The following OPCML variants were observed in gnomAD, a reference collection of about 807,000 sequenced individuals.
OPCML encodes opioid binding protein/cell adhesion molecule like.
A neutral mutation model predicts 37.8 loss-of-function variants in OPCML; 13 were observed. The ratio of observed to expected loss-of-function variants is 0.34; its 90% CI spans 0.22 to 0.55. The LOEUF is 0.55. Ranked by LOEUF, OPCML falls within the 20% of genes least tolerant of loss-of-function variation. The pLI, the probability that OPCML is intolerant of heterozygous loss-of-function variation, is 0.91. For synonymous variants in OPCML, 176 were observed against 168.8 expected, an observed-to-expected ratio of 1.04 and a Z score of -0.33; for missense variants, 341 against 435.6, an observed-to-expected ratio of 0.78 and a Z score of 1.93.
At chr11:132,770,263 T>C (rs1289267748) in intron 2 of OPCML, among the ~76,000 whole-genome samples, 1 of 152,278 alleles carries the variant, frequency 6.6e-6, no homozygotes, top group Admixed American at 6.5e-5. Context: ...ACTTGTGTTT[T>C]TGTTGAGTGT....
chr11:133,532,408 C>G lies in OPCML; in HGVS notation c.-84G>C, dbSNP rs1341219134. 7 of 1,521,060 alleles carry G rather than the reference C, an allele frequency of 4.6e-6. No homozygotes were observed. The highest frequency in any genetic ancestry group is 1.9e-5 in the Admixed American group (1 of 53,534). 94.2% of individuals were successfully genotyped at this position (1,521,060 alleles called of 1,614,324 possible). ...CTGCTGCCTTCCTCTGTGCTGAATT[C>G]TGAGCAGGTTTAAATCCAATGTTTG... On this transcript the variant is annotated 5_prime_UTR_variant, in exon 1 of 8. Coordinates refer to ENST00000524381, the MANE Select transcript of OPCML (RefSeq NM_001012393.5).
intron 1 of OPCML, among the ~76,000 whole-genome samples, chr11:133,273,739 C>T (rs572323064): frequency 1.3e-5 from 2 of 152,240 alleles, no homozygotes; most frequent in South Asian, 4.2e-4. Context: ...GGGCCACTTC[C>T]TATCCAGAGG....
chr11:132,450,194 C>T (rs181792867), intron 4 of OPCML, among the ~76,000 whole-genome samples: 38 of 152,320 alleles, frequency 2.5e-4, no homozygotes, highest in Admixed American at 1.7e-3. Context: ...ATCAAATAAA[C>T]GCATCTGACC....
At position 133,214,228 on chromosome 11, in the gene OPCML, A is replaced by G. The variant is rs190067647; in HGVS notation, c.62-271218T>C. Among the ~76,000 whole-genome samples, 524 of 152,300 alleles carry G rather than the reference A, an allele frequency of 3.4e-3. 2 individuals carry two copies. The highest frequency in any genetic ancestry group is 5.9e-3 in the Admixed American group (90 of 15,300). On this transcript the variant is annotated intron_variant, in intron 1 of 7. Transcript: ENST00000524381. ...TATTTCAGATTATGAAGGTTTTTTT[A>G]AATTCACATTTTCAGATTTATTGGC...
intron 4 of OPCML, among the ~76,000 whole-genome samples, chr11:132,457,330 G>A (rs1321659199): frequency 1.3e-5 from 2 of 152,178 alleles, no homozygotes; most frequent in East Asian, 3.8e-4. Flanking sequence ...CAAGTGGTGA[G>A]ACATCTACTC....
intron 1 of OPCML, among the ~76,000 whole-genome samples, chr11:133,397,734 G>A (rs76320404): frequency 0.1 from 15,474 of 152,278 alleles, 867 homozygotes; most frequent in East Asian, 0.14. Flanking sequence ...AACTTACTGT[G>A]AGAGATAGTG....
intron 1 of OPCML, among the ~76,000 whole-genome samples, chr11:133,043,925 A>T (rs1005099002): frequency 2.6e-5 from 4 of 152,218 alleles, no homozygotes; most frequent in African/African-American, 9.6e-5. Flanking sequence ...CTTATTGGTG[A>T]TCTTCCAGGT....
intron 1 of OPCML, among the ~76,000 whole-genome samples, chr11:133,467,822 T>C (rs1180312812): frequency 3.3e-5 from 5 of 152,020 alleles, no homozygotes; most frequent in Non-Finnish European, 7.4e-5. Context: ...ACACTCCAAA[T>C]TGAAAAAAAG....
At chr11:132,846,223 C>A (rs1941532901) in intron 2 of OPCML, among the ~76,000 whole-genome samples, 2 of 152,156 alleles carry the variant, frequency 1.3e-5, no homozygotes, top group African/African-American at 2.4e-5. Flanking sequence ...CAGCCAAGGG[C>A]CTCATTGTCT....
intron 1 of OPCML, among the ~76,000 whole-genome samples, chr11:133,384,260 A>AAG (rs1272047718): frequency 7.3e-6 from 1 of 136,690 alleles, no homozygotes; most frequent in East Asian, 2.0e-4. Flanking sequence ...AAAAAAAAAA[A>AAG]AAAAAGAAAA....
rs531626748 is a variant in OPCML at position 132,600,479 on chromosome 11, G to A, written c.379+56608C>T. On this transcript the variant is annotated intron_variant, in intron 3 of 7. Transcript: ENST00000524381. Reference sequence around the variant, plus strand: ...ATGACAAGTGGCTGTAGTTTATTTTGTATGAGAGGGGCTGTAAGAAGTTTT... The same window carrying A: ...ATGACAAGTGGCTGTAGTTTATTTTATATGAGAGGGGCTGTAAGAAGTTTT... Among the ~76,000 whole-genome samples the A allele has an allele frequency of 2.0e-5, 3 of 152,268 alleles. No homozygotes were observed. The East Asian group carries it at 5.8e-4, about 29-fold the overall frequency.
At chr11:132,675,748 C>T (rs1273773982) in intron 2 of OPCML, among the ~76,000 whole-genome samples, 1 of 152,038 alleles carries the variant, frequency 6.6e-6, no homozygotes, top group Non-Finnish European at 1.5e-5. Flanking sequence ...AATTACAAAG[C>T]TTATGCTCTA....
chr11:132,873,672 G>C (rs1942898457), intron 2 of OPCML, among the ~76,000 whole-genome samples: 1 of 135,478 alleles, frequency 7.4e-6, no homozygotes, highest in Non-Finnish European at 1.6e-5. Flanking sequence ...TGTATAAAGA[G>C]ACATCAAAAA....
intron 1 of OPCML, among the ~76,000 whole-genome samples, chr11:133,249,018 T>A (rs1480066262): frequency 1.3e-5 from 2 of 152,222 alleles, no homozygotes; most frequent in African/African-American, 4.8e-5. Context: ...GTTGCCGGTA[T>A]AAAACCAATG....
intron 1 of OPCML, among the ~76,000 whole-genome samples, chr11:133,125,992 A>G (rs1393208895): frequency 2.7e-5 from 4 of 149,028 alleles, no homozygotes; most frequent in Non-Finnish European, 5.9e-5. Flanking sequence ...AGACACACGT[A>G]TATATACATG....
intron 4 of OPCML, among the ~76,000 whole-genome samples, chr11:132,442,510 T>G (rs2096039569): frequency 6.6e-6 from 1 of 152,234 alleles, no homozygotes; most frequent in Non-Finnish European, 1.5e-5. Flanking sequence ...GCCTTCCACT[T>G]TTTTGGATTA....
At chr11:133,259,472 A>G (rs1371822050) in intron 1 of OPCML, among the ~76,000 whole-genome samples, 1 of 152,170 alleles carries the variant, frequency 6.6e-6, no homozygotes, top group Non-Finnish European at 1.5e-5. Context: ...TAGGCCACCC[A>G]GAACAGTATA....
chr11:133,156,331 C>T (rs953493569), intron 1 of OPCML, among the ~76,000 whole-genome samples: 3 of 152,170 alleles, frequency 2.0e-5, no homozygotes, highest in South Asian at 2.1e-4. Flanking sequence ...CAGATTTCTA[C>T]GGGGTTTTTC....
chr11:133,007,715 T>C, intron 1 of OPCML: 1 of 985,394 alleles, frequency 1.0e-6, no homozygotes. Context: ...AAGTTCAGTG[T>C]CTGATGGAAG....
Sources: gnomAD v4.1 joint callset for allele counts (sites outside exome capture counted in the v4.1 genomes callset) on GRCh38, gnomAD v4.1.1 for gene constraint, MANE v1.5 for transcripts, NCBI Gene and HGNC (gene_info 2026-07-23, HGNC 2026-07-21) for gene names.